Variants in KCNH7 observed in about 807,000 individuals in gnomAD.
The protein encoded by KCNH7 is potassium voltage-gated channel subfamily H member 7.
KCNH7 carries 49 observed loss-of-function variants against 120.8 expected under a neutral mutation model. The ratio of observed to expected loss-of-function variants is 0.41; its 90% CI spans 0.32 to 0.51. The LOEUF (loss-of-function observed/expected upper bound fraction) is 0.51, where lower values mean the gene tolerates loss of function less well. KCNH7 is among the 20% of genes least tolerant of loss of function. KCNH7 has a pLI of 0.38. For missense variants in KCNH7, 1,097 were observed against 1,446.6 expected, an observed-to-expected ratio of 0.76 and a Z score of 3.92; for synonymous variants, 547 against 516.1, an observed-to-expected ratio of 1.06 and a Z score of -0.81.
chr2:162,715,397 G>C (rs1012192778), intron 2 of KCNH7, among the ~76,000 whole-genome samples: 1 of 152,070 alleles, frequency 6.6e-6, no homozygotes, highest in African/African-American at 2.4e-5. Flanking sequence ...TCTCCCACCA[G>C]GACCCATCTC....
intron 14 of KCNH7, among the ~76,000 whole-genome samples, chr2:162,379,197 AT>A (rs1317670706): frequency 6.6e-6 from 1 of 152,174 alleles, no homozygotes; most frequent in African/African-American, 2.4e-5. Flanking sequence ...ATCAAGACAA[AT>A]TCCCAAGTGA....
At chr2:162,440,847 A>T (rs1688394280) in intron 7 of KCNH7, among the ~76,000 whole-genome samples, 1 of 152,132 alleles carries the variant, frequency 6.6e-6, no homozygotes, top group Admixed American at 6.6e-5. Context: ...ACAACTGACC[A>T]TCAAGTGATT....
chr2:162,664,494 C>A (rs1685069990), intron 2 of KCNH7, among the ~76,000 whole-genome samples: 1 of 152,068 alleles, frequency 6.6e-6, no homozygotes, highest in African/African-American at 2.4e-5. Flanking sequence ...AAATAATTTG[C>A]CCACTGATAC....
intron 6 of KCNH7, among the ~76,000 whole-genome samples, chr2:162,488,122 T>C (rs570759592): frequency 3.8e-4 from 58 of 152,346 alleles, no homozygotes; most frequent in Admixed American, 2.2e-3. Flanking sequence ...TGACAACAAC[T>C]GGTGAAGAAA....
In KCNH7 at chr2:162,467,423, T is replaced by A. The variant is rs532257494; in HGVS notation, c.1129-20980A>T. Among the ~76,000 whole-genome samples the A allele has an allele frequency of 1.2e-3, 179 of 152,274 alleles. 1 individual carries two copies. Among genetic ancestry groups the A allele is most frequent in the African/African-American group, 4.1e-3 (170 of 41,580 alleles). ...CACGGCCTCACAGAAATGAGTGAGT[T>A]ATCGCTTTATTAGTTCTCTGAGGGC... On this transcript the variant is annotated intron_variant, in intron 6 of 15. Coordinates refer to ENST00000332142, the MANE Select transcript of KCNH7 (RefSeq NM_033272.4).
At chr2:162,549,448 T>C (rs944063773) in intron 2 of KCNH7, among the ~76,000 whole-genome samples, 3 of 152,248 alleles carry the variant, frequency 2.0e-5, no homozygotes, top group Admixed American at 2.0e-4. Flanking sequence ...TGTGTCAACA[T>C]GTTACCTCTC....
At chr2:162,629,023 C>T (rs1683662506) in intron 2 of KCNH7, among the ~76,000 whole-genome samples, 2 of 152,166 alleles carry the variant, frequency 1.3e-5, no homozygotes, top group Non-Finnish European at 1.5e-5. Context: ...CAGAATCAAT[C>T]AATGCCACCC....
intron 9 of KCNH7, among the ~76,000 whole-genome samples, chr2:162,418,105 A>G (rs2105479141): frequency 6.6e-6 from 1 of 152,148 alleles, no homozygotes; most frequent in Non-Finnish European, 1.5e-5. Context: ...AATTCCTATC[A>G]ACTAATCTAC....
intron 2 of KCNH7, among the ~76,000 whole-genome samples, chr2:162,757,826 C>CT (rs1457515365): frequency 6.6e-6 from 1 of 152,096 alleles, no homozygotes; most frequent in Non-Finnish European, 1.5e-5. Flanking sequence ...GTCAAGTTAT[C>CT]TAGTTTTTTC....
chr2:162,796,849 T>C (rs775908774), intron 2 of KCNH7: 5 of 152,082 alleles, frequency 3.3e-5, no homozygotes, highest in Non-Finnish European at 5.9e-5. Context: ...CTTGTTTTTT[T>C]TTTTAAATTC....
At chr2:162,809,603 T>A (rs890029126) in intron 2 of KCNH7, among the ~76,000 whole-genome samples, 3 of 152,270 alleles carry the variant, frequency 2.0e-5, no homozygotes, top group East Asian at 1.9e-4. Context: ...TTGCTAGAAA[T>A]ATATTTGGGG....
intron 6 of KCNH7, among the ~76,000 whole-genome samples, chr2:162,471,893 T>G (rs944331255): frequency 7.2e-5 from 11 of 152,086 alleles, no homozygotes; most frequent in Non-Finnish European, 1.3e-4. Flanking sequence ...AACAGAGATA[T>G]AGACCAATGG....
In KCNH7 at chr2:162,371,955, G is replaced by A. The variant is rs78734560; in HGVS notation, c.3465C>T (p.His1155=). The change falls in exon 16 of 16, where the codon CAC becomes CAT. Residue 1155 remains histidine (H), a synonymous_variant. Coordinates refer to ENST00000332142, the MANE Select transcript of KCNH7 (RefSeq NM_033272.4). ...GAACGTAAGTTTTTCTTTGCCGCAG[G>A]TGAAGCTCTAAAGAGAGATCACTGT... is the stretch of plus-strand genomic sequence containing the variant. The part of the protein sequence containing the change: ...KQDSDLSLEL[H]LRQRKTYVHP... 936 of 1,613,858 alleles carry A rather than the reference G, an allele frequency of 5.8e-4. 2 individuals are homozygous for A. The African/African-American group carries it at 0.011, about 19-fold the overall frequency.
At chr2:162,412,138 C>A (rs1687409581) in intron 9 of KCNH7, among the ~76,000 whole-genome samples, 1 of 151,766 alleles carries the variant, frequency 6.6e-6, no homozygotes, top group Non-Finnish European at 1.5e-5. Context: ...GCTAAATTGG[C>A]TGGATAGAAG....
At chr2:162,554,358 T>C (rs1692784687) in intron 2 of KCNH7, among the ~76,000 whole-genome samples, 1 of 152,158 alleles carries the variant, frequency 6.6e-6, no homozygotes, top group African/African-American at 2.4e-5. Context: ...AACTCCATCA[T>C]AGCCTTTTTT....
At chr2:162,570,299 T>C (rs1321044944) in intron 2 of KCNH7, among the ~76,000 whole-genome samples, 1 of 151,606 alleles carries the variant, frequency 6.6e-6, no homozygotes, top group Non-Finnish European at 1.5e-5. Flanking sequence ...CTTCTTTGTT[T>C]CTTTTGATCT....
chr2:162,836,838 T>G, intron 1 of KCNH7, 71 bp from the exon 2 acceptor site: 1 of 1,075,618 alleles, frequency 9.3e-7, no homozygotes, highest in Non-Finnish European at 1.4e-6. Flanking sequence ...TGAAGCAATT[T>G]GTTGCATAAT....
chr2:162,428,261 G>A (rs898830522), intron 8 of KCNH7, among the ~76,000 whole-genome samples: 1 of 151,736 alleles, frequency 6.6e-6, no homozygotes, highest in African/African-American at 2.4e-5. Flanking sequence ...TGAACTGTGA[G>A]CTATTTGGAA....
chr2:162,685,737 G>A (rs1448599520), intron 2 of KCNH7, among the ~76,000 whole-genome samples: 4 of 151,992 alleles, frequency 2.6e-5, no homozygotes, highest in Non-Finnish European at 5.9e-5. Flanking sequence ...GTCAGAGTGG[G>A]AAGTTAGGGA....
Sources: allele counts gnomAD v4.1 joint callset (sites outside exome capture counted in the v4.1 genomes callset), GRCh38; gene constraint gnomAD v4.1.1; transcripts MANE v1.5; gene names NCBI Gene and HGNC (gene_info 2026-07-23, HGNC 2026-07-21).